VWA8: variants seen among roughly 807,000 people sequenced by gnomAD.
The protein encoded by VWA8 is von Willebrand factor A domain-containing protein 8.
Under a neutral mutation model 241.5 loss-of-function variants are expected in VWA8, and 221 were observed. The ratio of observed to expected loss-of-function variants is 0.91; its 90% CI spans 0.82 to 1.02. VWA8 has a LOEUF of 1.02. Among genes scored for constraint, VWA8 ranks in the 50% least tolerant of loss-of-function variants. The probability of loss-of-function intolerance (pLI) is 0.00; values close to 1 mark genes in which losing one functional copy is unlikely to be tolerated. For synonymous variants in VWA8, 852 were observed against 827.1 expected, an observed-to-expected ratio of 1.03 and a Z score of -0.52; for missense variants, 2,322 against 2,328.7, an observed-to-expected ratio of 1.00 and a Z score of 0.06.
chr13:41,678,423 T>C (rs1311896960), intron 35 of VWA8, among the ~76,000 whole-genome samples: 1 of 152,204 alleles, frequency 6.6e-6, no homozygotes, highest in African/African-American at 2.4e-5. Flanking sequence ...TTTTGTATCA[T>C]ATATCATTTT....
At chr13:41,833,046 C>A (rs1203267311) in intron 13 of VWA8, among the ~76,000 whole-genome samples, 1 of 151,892 alleles carries the variant, frequency 6.6e-6, no homozygotes, top group Non-Finnish European at 1.5e-5. Context: ...ATTATAGAAA[C>A]TTCAGCAATG....
At chr13:41,709,380 C>T (rs1424540777) in intron 26 of VWA8, among the ~76,000 whole-genome samples, 1 of 152,196 alleles carries the variant, frequency 6.6e-6, no homozygotes, top group Non-Finnish European at 1.5e-5. Context: ...ACTGCAACTG[C>T]TTTGCAACAG....
intron 37 of VWA8, among the ~76,000 whole-genome samples, chr13:41,657,095 G>C (rs1208876359): frequency 6.6e-6 from 1 of 152,170 alleles, no homozygotes; most frequent in African/African-American, 2.4e-5. Flanking sequence ...AAGCACTCCT[G>C]AGGACTTCTG....
chr13:41,754,590 T>C (rs1336579095), intron 21 of VWA8, among the ~76,000 whole-genome samples: 1 of 152,178 alleles, frequency 6.6e-6, no homozygotes, highest in Non-Finnish European at 1.5e-5. Context: ...ATTTATCCTT[T>C]GTGTTACAAA....
chr13:41,800,736 T>G (rs1869915478), intron 17 of VWA8, among the ~76,000 whole-genome samples: 1 of 145,016 alleles, frequency 6.9e-6, no homozygotes, highest in Non-Finnish European at 1.5e-5. Context: ...GAGCTTGTAG[T>G]GAGCTGAGAT....
At position 41,887,241 on chromosome 13, in the gene VWA8, G is replaced by A. The variant is rs141866968; in HGVS notation, c.772C>T (p.Arg258Cys). Reference protein sequence around the residue: ...YSGNPLDPPLRSRFQARDIYY... With the variant: ...YSGNPLDPPLCSRFQARDIYY... ...ATATCCCTGGCTTGAAATCGAGAAC[G>A]AAGAGGGGGGTCTAATGGATTCCCA... Residue 258 changes from arginine to cysteine, a missense_variant, in exon 6 of 45, where the codon CGT (arginine) becomes TGT (cysteine). Arg to Cys is a radical substitution (Grantham distance 180, BLOSUM62 -3). Transcript: ENST00000379310. 65 of 1,613,230 alleles carry A rather than the reference G, an allele frequency of 4.0e-5. No homozygotes were observed. The African/African-American group carries it at 5.7e-4, about 14-fold the overall frequency.
rs17637458 is a variant in VWA8 at position 41,644,039 on chromosome 13, T to A, written c.4611+26907A>T. Among the ~76,000 whole-genome samples the A allele has an allele frequency of 2.1e-3, 314 of 152,210 alleles. 7 individuals are homozygous for A. In the East Asian group the frequency reaches 0.046, roughly 22 times the overall value. ...TTCTTATTATAGGTAAAACCCAGTA[T>A]CTTTCTCCTGTTAAGTTCATACAGA... is the stretch of plus-strand genomic sequence containing the variant. On this transcript the variant is annotated intron_variant, in intron 37 of 44. Transcript: ENST00000379310.
intron 37 of VWA8, among the ~76,000 whole-genome samples, chr13:41,618,229 T>G (rs991274632): frequency 6.6e-6 from 1 of 152,256 alleles, no homozygotes; most frequent in Non-Finnish European, 1.5e-5. Flanking sequence ...TGATGATCAG[T>G]GATGATAAGC....
intron 21 of VWA8, among the ~76,000 whole-genome samples, chr13:41,752,381 C>G (rs2045662755): frequency 6.6e-6 from 1 of 152,132 alleles, no homozygotes; most frequent in Admixed American, 6.6e-5. Flanking sequence ...TGCACATGCT[C>G]TATCATAGCT....
intron 21 of VWA8, among the ~76,000 whole-genome samples, chr13:41,759,529 T>C (rs558745075): frequency 1.3e-5 from 2 of 151,718 alleles, no homozygotes. Context: ...TTTTTTCTCC[T>C]CTCTTTTGAG....
chr13:41,701,534 T>A lies in VWA8; in HGVS notation c.3226-4A>T. 2 of 1,547,586 alleles carry A rather than the reference T, an allele frequency of 1.3e-6. No homozygotes were observed. Among genetic ancestry groups the A allele is most frequent in the Non-Finnish European group, 8.7e-7 (1 of 1,153,108 alleles). On this transcript the variant is annotated splice_polypyrimidine_tract_variant and splice_region_variant and intron_variant, in intron 27 of 44. Coordinates refer to ENST00000379310, the MANE Select transcript of VWA8 (RefSeq NM_015058.2). ...GTATATTTATAAGTGCTGGACCCTA[T>A]AATAAAGCAGTTATCTCAGTTAAGA... is the stretch of plus-strand genomic sequence containing the variant.
chr13:41,714,223 G>A (rs1369608476), intron 26 of VWA8, among the ~76,000 whole-genome samples: 4 of 151,288 alleles, frequency 2.6e-5, no homozygotes, highest in Non-Finnish European at 4.4e-5. Flanking sequence ...TTTTCTATTT[G>A]ACTGATAGAA....
In VWA8 at chr13:41,732,489, T is replaced by A. The variant is rs548537415; in HGVS notation, c.2427-334A>T. On this transcript the variant is annotated intron_variant, in intron 21 of 44. Transcript: ENST00000379310. ...GGTGAAGACGAGAAACTAAAAAATA[T>A]ATATATATATATGTATTATATAATA... 1.7e-3 allele frequency among the ~76,000 whole-genome samples: 248 copies of A among 150,004 alleles called. 1 individual carries two copies. The highest frequency in any genetic ancestry group is 5.6e-3 in the African/African-American group (232 of 41,168).
chr13:41,701,132 G>A (rs927341452), intron 28 of VWA8, among the ~76,000 whole-genome samples: 4 of 152,082 alleles, frequency 2.6e-5, no homozygotes, highest in Non-Finnish European at 5.9e-5. Flanking sequence ...ACATGCCTGG[G>A]TGTGTTTAAC....
intron 37 of VWA8, 46 bp from the exon 38 acceptor site, chr13:41,615,130 C>T (rs768878055): frequency 3.4e-5 from 55 of 1,594,682 alleles, no homozygotes; most frequent in Non-Finnish European, 4.5e-5. Flanking sequence ...GTGACAAACA[C>T]CAGGGACTGC....
chr13:41,695,852 C>A (rs911655689), intron 29 of VWA8, among the ~76,000 whole-genome samples: 1 of 152,116 alleles, frequency 6.6e-6, no homozygotes, highest in African/African-American at 2.4e-5. Context: ...AGGTATTAAT[C>A]AGCAATGTTA....
chr13:41,590,698 A>G lies in VWA8; in HGVS notation c.5054T>C (p.Ile1685Thr). The G allele has an allele frequency of 1.2e-6, 2 of 1,614,138 alleles. No individual in the cohort carries two copies. Among genetic ancestry groups the G allele is most frequent in the African/African-American group, 1.3e-5 (1 of 75,028 alleles). The change falls in exon 41 of 45, where the codon ATT (isoleucine) becomes ACT (threonine). Residue 1685 changes from isoleucine (I) to threonine (T), a missense_variant. Physicochemically the swap from Ile to Thr is moderately conservative, Grantham distance 89. Transcript: ENST00000379310. The stretch of plus-strand genomic sequence containing the variant: ...GGCTTTTTCTCCAGTCAGCCCATCA[A>G]TGATCTTGGCATCATCTAATTCTCC... Reference protein sequence around the residue: ...ATGELDDAKIIDGLTGEKAIY... With the variant: ...ATGELDDAKITDGLTGEKAIY...
chr13:41,856,090 C>G (rs1593820318), intron 12 of VWA8, among the ~76,000 whole-genome samples: 1 of 152,178 alleles, frequency 6.6e-6, no homozygotes, highest in East Asian at 1.9e-4. Context: ...AGTCTCAGCA[C>G]TTTGGGAGGC....
At chr13:41,841,860 A>ATATAT (rs1566478209) in intron 12 of VWA8, among the ~76,000 whole-genome samples, 1,025 of 61,854 alleles carry the variant, frequency 0.017, 93 homozygotes, top group Non-Finnish European at 0.019. Flanking sequence ...TATATATATA[A>ATATAT]AAACAGTAGA....
Sources: allele counts gnomAD v4.1 joint callset (sites outside exome capture counted in the v4.1 genomes callset), GRCh38; gene constraint gnomAD v4.1.1; transcripts MANE v1.5; gene names NCBI Gene and HGNC (gene_info 2026-07-23, HGNC 2026-07-21).